Variants in MBNL1 observed in about 807,000 individuals in gnomAD.
The protein encoded by MBNL1 is muscleblind like splicing regulator 1.
In MBNL1, 8 loss-of-function variants were observed where a neutral mutation model predicts 42.2. The ratio of observed to expected loss-of-function variants is 0.19; its 90% CI spans 0.11 to 0.34. MBNL1 has a LOEUF of 0.34. Among genes scored for constraint, MBNL1 ranks in the 10% least tolerant of loss-of-function variants. MBNL1 has a pLI of 1.00. For synonymous variants in MBNL1, 169 were observed against 173.9 expected, an observed-to-expected ratio of 0.97 and a Z score of 0.22; for missense variants, 309 against 495.3, an observed-to-expected ratio of 0.62 and a Z score of 3.57.
chr3:152,433,826 C>T (rs1318811843), intron 4 of MBNL1, among the ~76,000 whole-genome samples: 2 of 151,698 alleles, frequency 1.3e-5, no homozygotes, highest in Non-Finnish European at 2.9e-5. Flanking sequence ...GTGGGCTCTG[C>T]TGTTGGTACA....
intron 2 of MBNL1, among the ~76,000 whole-genome samples, chr3:152,409,674 T>G (rs964623166): frequency 6.6e-6 from 1 of 152,202 alleles, no homozygotes; most frequent in Non-Finnish European, 1.5e-5. Context: ...AATGAAAATT[T>G]GAAAAGACTT....
At chr3:152,314,502 AG>A (rs1226308179) in intron 2 of MBNL1, among the ~76,000 whole-genome samples, 2 of 152,034 alleles carry the variant, frequency 1.3e-5, no homozygotes, top group Non-Finnish European at 1.5e-5. Flanking sequence ...CAGCCTCCCA[AG>A]TAGCTAGGAT....
chr3:152,254,951 A>G (rs1047484428), intron 2 of MBNL1, among the ~76,000 whole-genome samples: 24 of 152,150 alleles, frequency 1.6e-4, no homozygotes, highest in African/African-American at 4.6e-4. Flanking sequence ...TGGTGTGTCT[A>G]TCTCTAAACT....
At chr3:152,372,902 G>A (rs562694561) in intron 2 of MBNL1, among the ~76,000 whole-genome samples, 3 of 152,238 alleles carry the variant, frequency 2.0e-5, no homozygotes, top group Admixed American at 6.5e-5. Flanking sequence ...ACCCACAGCC[G>A]CCTCTTCCGC....
chr3:152,402,041 A>C (rs1157492508), intron 2 of MBNL1, among the ~76,000 whole-genome samples: 1 of 152,022 alleles, frequency 6.6e-6, no homozygotes, highest in Admixed American at 6.6e-5. Context: ...CAAAAAAAAA[A>C]AAAAAAAGAT....
At position 152,388,383 on chromosome 3, in the gene MBNL1, A is replaced by G. The variant is rs534510348; in HGVS notation, c.175-26558A>G. On this transcript the variant is annotated intron_variant, in intron 2 of 9. Coordinates refer to ENST00000324210, the MANE Select transcript of MBNL1 (RefSeq NM_021038.5). Reference sequence around the variant, plus strand: ...CAGGTTCTTTTCATACCAGTGCTTTACAAACAGGACTTGAGAAATGAGAAT... The same window carrying G: ...CAGGTTCTTTTCATACCAGTGCTTTGCAAACAGGACTTGAGAAATGAGAAT... 3.9e-5 allele frequency among the ~76,000 whole-genome samples: 6 copies of G among 152,352 alleles called. No individual in the cohort carries two copies. The South Asian group carries it at 1.0e-3, about 26-fold the overall frequency.
chr3:152,329,275 A>G (rs906165432), intron 2 of MBNL1, among the ~76,000 whole-genome samples: 1 of 152,148 alleles, frequency 6.6e-6, no homozygotes, highest in Non-Finnish European at 1.5e-5. Flanking sequence ...AATTTTTGTT[A>G]GGGATTATAA....
At chr3:152,338,410 T>G (rs1212936977) in intron 2 of MBNL1, 4 of 985,326 alleles carry the variant, frequency 4.1e-6, no homozygotes, top group African/African-American at 1.7e-5. Flanking sequence ...TTCCTCCCCC[T>G]GCTGCTACAG....
intron 1 of MBNL1, chr3:152,269,670 A>T: frequency 3.3e-6 from 1 of 304,512 alleles, no homozygotes; most frequent in Non-Finnish European, 6.7e-6. Context: ...CCTTTTGCCA[A>T]GTTTACAGGG....
At chr3:152,268,515 G>A (rs929651795), upstream of MBNL1, 41 of 334,650 alleles carry the variant, frequency 1.2e-4, no homozygotes, top group Non-Finnish European at 2.2e-4. Flanking sequence ...CTTTCAAAAT[G>A]AACCCACTGG....
At chr3:152,368,368 A>G (rs2096517358) in intron 2 of MBNL1, among the ~76,000 whole-genome samples, 1 of 152,062 alleles carries the variant, frequency 6.6e-6, no homozygotes, top group African/African-American at 2.4e-5. Flanking sequence ...CCATTGGTCT[A>G]TATATCTGTT....
chr3:152,287,309 G>A (rs2150774123), intron 1 of MBNL1, among the ~76,000 whole-genome samples: 1 of 152,178 alleles, frequency 6.6e-6, no homozygotes, highest in Admixed American at 6.5e-5. Context: ...TCATAACAGA[G>A]CTTTTTTGTA....
At chr3:152,406,023 A>G (rs990014134) in intron 2 of MBNL1, among the ~76,000 whole-genome samples, 1 of 152,212 alleles carries the variant, frequency 6.6e-6, no homozygotes, top group African/African-American at 2.4e-5. Flanking sequence ...ATGCTATAAA[A>G]AAAGCAGCCA....
chr3:152,340,914 C>CTAATT, intron 2 of MBNL1: 1 of 1,593,666 alleles, frequency 6.3e-7, no homozygotes, highest in Non-Finnish European at 8.5e-7. Context: ...TTGTTCTCTT[C>CTAATT]TAATTCTCTC....
intron 3 of MBNL1, among the ~76,000 whole-genome samples, chr3:152,417,975 T>G (rs2098731449): frequency 6.6e-6 from 1 of 152,200 alleles, no homozygotes; most frequent in Non-Finnish European, 1.5e-5. Flanking sequence ...TTTAATATCT[T>G]CAGAGCACAA....
At chr3:152,417,042 A>G (rs2098713692) in intron 3 of MBNL1, among the ~76,000 whole-genome samples, 1 of 152,244 alleles carries the variant, frequency 6.6e-6, no homozygotes. Flanking sequence ...GTCTAAAAAT[A>G]TACTTTATTC....
rs185070761 is a variant in MBNL1, at chr3:152,347,766, A to G, written c.174+47399A>G. Among the ~76,000 whole-genome samples the G allele has an allele frequency of 2.6e-5, 4 of 152,270 alleles. No individual in the cohort carries two copies. In the East Asian group the frequency reaches 7.7e-4, roughly 29 times the overall value. ...CTTGACTCCTTGGTTGAACAAATCTAATAAAGATAATGCACAGCACAGTAC... is the reference window on the plus strand; with the variant it reads ...CTTGACTCCTTGGTTGAACAAATCTGATAAAGATAATGCACAGCACAGTAC... On this transcript the variant is annotated intron_variant, in intron 2 of 9. Coordinates refer to ENST00000324210, the MANE Select transcript of MBNL1 (RefSeq NM_021038.5).
intron 3 of MBNL1, among the ~76,000 whole-genome samples, chr3:152,429,681 T>C (rs974531189): frequency 1.3e-5 from 2 of 152,138 alleles, no homozygotes; most frequent in African/African-American, 4.8e-5. Context: ...CACTCTCTGA[T>C]GGGGCTAGCA....
chr3:152,432,601 A>AG, intron 3 of MBNL1, 116 bp from the exon 4 acceptor site: 1 of 824,200 alleles, frequency 1.2e-6, no homozygotes, highest in Non-Finnish European at 2.1e-6. Context: ...ATTAAAGGGA[A>AG]GGAGGGAAGG....
Sources: allele counts gnomAD v4.1 joint callset (sites outside exome capture counted in the v4.1 genomes callset), GRCh38; gene constraint gnomAD v4.1.1; transcripts MANE v1.5; gene names NCBI Gene and HGNC (gene_info 2026-07-23, HGNC 2026-07-21).